Variants in KCNIP4 observed in about 807,000 individuals in gnomAD.
KCNIP4 encodes potassium voltage-gated channel interacting protein 4.
Under a neutral mutation model 34.0 loss-of-function variants are expected in KCNIP4, and 12 were observed. The ratio of observed to expected loss-of-function variants is 0.35; its 90% confidence interval spans 0.23 to 0.57. The LOEUF (loss-of-function observed/expected upper bound fraction) is 0.57. KCNIP4 is among the 20% of genes least tolerant of loss of function. The pLI, the probability that KCNIP4 is intolerant of heterozygous loss-of-function variation, is 0.83. For missense variants in KCNIP4, 238 were observed against 311.7 expected, an observed-to-expected ratio of 0.76 and a Z score of 1.78; for synonymous variants, 124 against 102.2, an observed-to-expected ratio of 1.21 and a Z score of -1.29.
At chr4:21,158,973 T>G (rs1352003506) in intron 1 of KCNIP4, among the ~76,000 whole-genome samples, 3 of 152,182 alleles carry the variant, frequency 2.0e-5, no homozygotes, top group Admixed American at 2.0e-4. Flanking sequence ...TGAAATTAAA[T>G]ATTATTTATA....
chr4:21,880,769 A>G (rs1244688671), intron 1 of KCNIP4, among the ~76,000 whole-genome samples: 2 of 152,224 alleles, frequency 1.3e-5, no homozygotes, highest in Non-Finnish European at 2.9e-5. Context: ...GCAATGCTAG[A>G]ATCCAAACCA....
intron 1 of KCNIP4, among the ~76,000 whole-genome samples, chr4:21,876,181 G>A (rs1345987619): frequency 2.0e-5 from 3 of 152,034 alleles, no homozygotes; most frequent in Non-Finnish European, 4.4e-5. Context: ...CACTATGAAC[G>A]TATTAACTAT....
At chr4:21,233,507 G>A (rs1267400723) in intron 1 of KCNIP4, among the ~76,000 whole-genome samples, 1 of 152,124 alleles carries the variant, frequency 6.6e-6, no homozygotes, top group East Asian at 1.9e-4. Flanking sequence ...TAGAGGGTGA[G>A]GATTCAGAAG....
chr4:21,181,050 A>C (rs1754801256), intron 1 of KCNIP4, among the ~76,000 whole-genome samples: 2 of 152,302 alleles, frequency 1.3e-5, no homozygotes, highest in South Asian at 4.1e-4. Flanking sequence ...CAAGAACAGA[A>C]CTTGGAACAA....
chr4:21,076,493 A>T (rs1342510342), intron 1 of KCNIP4, among the ~76,000 whole-genome samples: 1 of 152,056 alleles, frequency 6.6e-6, no homozygotes, highest in Non-Finnish European at 1.5e-5. Context: ...CAAGGAACCA[A>T]TTTTCATGCT....
At chr4:21,558,532 A>G (rs184522245) in intron 1 of KCNIP4, among the ~76,000 whole-genome samples, 21 of 151,994 alleles carry the variant, frequency 1.4e-4, no homozygotes, top group Middle Eastern at 3.4e-3. Flanking sequence ...AAAACAAAAT[A>G]AATGAGATTC....
intron 1 of KCNIP4, among the ~76,000 whole-genome samples, chr4:21,021,251 C>T (rs1005926186): frequency 1.1e-4 from 17 of 152,128 alleles, no homozygotes; most frequent in African/African-American, 4.1e-4. Flanking sequence ...CTGTATAGCA[C>T]ATTTACTGTG....
intron 1 of KCNIP4, among the ~76,000 whole-genome samples, chr4:21,469,586 T>C (rs1730286910): frequency 6.6e-6 from 1 of 152,180 alleles, no homozygotes; most frequent in African/African-American, 2.4e-5. Flanking sequence ...GAAACAAAAA[T>C]GCTTTTCCTG....
intron 1 of KCNIP4, among the ~76,000 whole-genome samples, chr4:21,695,522 C>T (rs1176319865): frequency 2.6e-5 from 4 of 151,964 alleles, no homozygotes; most frequent in Non-Finnish European, 4.4e-5. Context: ...TAAAATACTA[C>T]TGCTATACCA....
chr4:20,859,431 T>A (rs1721958923), intron 2 of KCNIP4, among the ~76,000 whole-genome samples: 1 of 152,202 alleles, frequency 6.6e-6, no homozygotes, highest in African/African-American at 2.4e-5. Context: ...AGTATTTTAA[T>A]TCATGTATCT....
rs144440285 is a variant in KCNIP4, at chr4:21,137,871, C to CTTTTTTTTTTTT, written c.62-255163_62-255162insAAAAAAAAAAAA. Among the ~76,000 whole-genome samples, 286 of 118,038 alleles carry CTTTTTTTTTTTT rather than the reference C, an allele frequency of 2.4e-3. 24 individuals are homozygous for CTTTTTTTTTTTT. The highest frequency in any genetic ancestry group is 2.9e-3 in the African/African-American group (80 of 28,060). 77.4% of individuals were successfully genotyped at this position (118,038 alleles called of 152,430 possible). A position where few individuals can be genotyped will look rare whatever the true frequency, so the allele number is the denominator to read the frequency against. On this transcript the variant is annotated intron_variant, in intron 1 of 8. Transcript: ENST00000382152. The stretch of plus-strand genomic sequence containing the variant: ...ATGAAGGCTTTTTCCCTTACACAGG[C>CTTTTTTTTTTTT]TTTTTTGTTTTTTTTTTTTTGATGG...
intron 1 of KCNIP4, among the ~76,000 whole-genome samples, chr4:21,478,884 A>C (rs1731205964): frequency 6.6e-6 from 1 of 152,192 alleles, no homozygotes; most frequent in Non-Finnish European, 1.5e-5. Context: ...AGAAAAGAGA[A>C]TTGGATTTCA....
chr4:21,650,218 T>C (rs1421640208), intron 1 of KCNIP4, among the ~76,000 whole-genome samples: 1 of 152,224 alleles, frequency 6.6e-6, no homozygotes, highest in Non-Finnish European at 1.5e-5. Flanking sequence ...GGAAAACCCT[T>C]AATGCATGTT....
At position 21,742,447 on chromosome 4, in the gene KCNIP4, G is replaced by A. The variant is rs16871816; in HGVS notation, c.61+206124C>T. Among the ~76,000 whole-genome samples, 951 of 152,280 alleles carry A rather than the reference G, an allele frequency of 6.2e-3. 11 individuals are homozygous for A. Among genetic ancestry groups the A allele is most frequent in the African/African-American group, 0.022 (910 of 41,564 alleles). ...TCCATTGTGATTAAAGGAGACCTCTGATTCACTTTACAATCATATTTCTCA... is the reference window on the plus strand; with the variant it reads ...TCCATTGTGATTAAAGGAGACCTCTAATTCACTTTACAATCATATTTCTCA... On this transcript the variant is annotated intron_variant, in intron 1 of 8. Coordinates refer to ENST00000382152, the MANE Select transcript of KCNIP4 (RefSeq NM_025221.6).
intron 1 of KCNIP4, among the ~76,000 whole-genome samples, chr4:21,371,234 C>G (rs1457780357): frequency 6.9e-6 from 1 of 145,734 alleles, no homozygotes; most frequent in Non-Finnish European, 1.5e-5. Flanking sequence ...TAAGTTTCAC[C>G]AGGAAAGTGA....
intron 1 of KCNIP4, among the ~76,000 whole-genome samples, chr4:20,969,703 T>A (rs1037915162): frequency 1.3e-5 from 2 of 152,012 alleles, no homozygotes; most frequent in Admixed American, 1.3e-4. Context: ...ATTTTCCAAA[T>A]ACTAAAAAAA....
intron 1 of KCNIP4, among the ~76,000 whole-genome samples, chr4:21,775,578 C>T (rs1719119956): frequency 6.6e-6 from 1 of 152,216 alleles, no homozygotes. Flanking sequence ...GCTAAGTCTG[C>T]TGGTCCACAG....
At chr4:21,297,419 A>G (rs1015648048) in intron 1 of KCNIP4, among the ~76,000 whole-genome samples, 32 of 152,154 alleles carry the variant, frequency 2.1e-4, no homozygotes, top group African/African-American at 7.5e-4. Context: ...CCAAAAAGCA[A>G]CTTCACTATC....
At chr4:21,616,454 T>C (rs1409776771) in intron 1 of KCNIP4, among the ~76,000 whole-genome samples, 1 of 152,218 alleles carries the variant, frequency 6.6e-6, no homozygotes, top group Non-Finnish European at 1.5e-5. Flanking sequence ...TGTGTTGCAA[T>C]TGTCTACAAC....
Sources: allele counts gnomAD v4.1 joint callset (sites outside exome capture counted in the v4.1 genomes callset), GRCh38; gene constraint gnomAD v4.1.1; transcripts MANE v1.5; gene names NCBI Gene and HGNC (gene_info 2026-07-23, HGNC 2026-07-21).